NOP53: variants seen among roughly 807,000 people sequenced by gnomAD.
The protein encoded by NOP53 is ribosome biogenesis protein NOP53.
Under a neutral mutation model 61.0 loss-of-function variants are expected in NOP53, and 40 were observed. The observed-to-expected ratio is 0.66, with a 90% CI of 0.51 to 0.85. The LOEUF (loss-of-function observed/expected upper bound fraction) is 0.85. Among genes scored for constraint, NOP53 ranks in the 40% least tolerant of loss-of-function variants. The pLI is 0.00. For missense variants in NOP53, 689 were observed against 652.9 expected, an observed-to-expected ratio of 1.06 and a Z score of -0.60; for synonymous variants, 308 against 289.5, an observed-to-expected ratio of 1.06 and a Z score of -0.65.
At position 47,751,069 on chromosome 19, in the gene NOP53, C is replaced by T. The variant is rs1317212561; in HGVS notation, c.560C>T (p.Thr187Ile). ...AGGGCCAAGCCCGGGCCCCAGGACA[C>T]CGTAGAGCGGCCCTTCTACGACCTC... ...ATRAKPGPQDTVERPFYDLWA... is the reference protein window; with the variant it reads ...ATRAKPGPQDIVERPFYDLWA... The change falls in exon 4 of 13, where the codon ACC becomes ATC. Residue 187 changes from threonine to isoleucine, a missense_variant. Thr to Ile is a moderately conservative substitution (Grantham distance 89). Coordinates refer to ENST00000246802, the MANE Select transcript of NOP53 (RefSeq NM_015710.5). 7 of 1,608,828 alleles carry T rather than the reference C, an allele frequency of 4.4e-6. No individual in the cohort carries two copies. The highest frequency in any genetic ancestry group is 5.9e-6 in the Non-Finnish European group (7 of 1,178,334).
rs1446950414 is a variant in NOP53 at position 47,754,304 on chromosome 19, C to CA, written c.766-222dup. 2 of 557,232 alleles carry CA rather than the reference C, an allele frequency of 3.6e-6. No homozygotes were observed. The highest frequency in any genetic ancestry group is 6.5e-6 in the Non-Finnish European group (2 of 309,462). The allele number at this position is 557,232 out of a possible 1,614,324, so 34.5% of individuals were successfully genotyped here. Reference sequence around the variant, plus strand: ...AAAAAAAAATGTGAAGCGTGCAGGTCAGACTGCCTTCACAGACGTGCAGAG... The same window carrying CA: ...AAAAAAAAATGTGAAGCGTGCAGGTCAAGACTGCCTTCACAGACGTGCAGAG... On this transcript the variant is annotated intron_variant, in intron 6 of 12. Transcript: ENST00000246802. The surrounding 1 kb of genome is among the most constrained non-coding windows in gnomAD (Gnocchi z 4.2).
rs753296003 is a variant in NOP53, at chr19:47,755,836, C to T, written c.1296+14C>T. The T allele has an allele frequency of 2.5e-6, 4 of 1,601,050 alleles. No individual in the cohort carries two copies. In the African/African-American group the frequency reaches 5.4e-5, roughly 21 times the overall value. ...AGGACCCTGAAGGTGCTCACTGTGT[C>T]CTGCCGTGGAGCCCCGTGCCCAGTG... On this transcript the variant is annotated intron_variant, in intron 10 of 12. Coordinates refer to ENST00000246802, the MANE Select transcript of NOP53 (RefSeq NM_015710.5).
rs755667216 is a variant in NOP53 at position 47,751,015 on chromosome 19, A to G, written c.506A>G (p.Gln169Arg). 3.1e-6 allele frequency: 5 copies of G among 1,598,066 alleles called. No homozygotes were observed. The highest frequency in any genetic ancestry group is 4.3e-6 in the Non-Finnish European group (5 of 1,173,440). The change falls in exon 4 of 13, where the codon CAG (glutamine) becomes CGG (arginine). Residue 169 changes from glutamine to arginine, a missense_variant. By Grantham distance (43) the Gln-to-Arg change is conservative. Transcript: ENST00000246802. ...CTGCCCCGGGAGGTGCGCAGGGCCCAGGCCCGGCTCCTCAACCCTTCTGCA... is the reference window on the plus strand; with the variant it reads ...CTGCCCCGGGAGGTGCGCAGGGCCCGGGCCCGGCTCCTCAACCCTTCTGCA... ...GELPREVRRA[Q>R]ARLLNPSATR...
rs1274543614 is a variant in NOP53 at position 47,755,400 on chromosome 19, TC to T, written c.1108del (p.Arg370GlyfsTer11). 1 of 1,532,468 alleles carries T rather than the reference TC, an allele frequency of 6.5e-7. No homozygotes were observed. The highest frequency in any genetic ancestry group is 8.7e-7 in the Non-Finnish European group (1 of 1,144,196). The allele number at this position is 1,532,468 out of a possible 1,614,324, so 94.9% of individuals were successfully genotyped here. Reference protein sequence around the residue: ...RAARLRHQELFRLRGIKAQVA... With the variant: ...RAARLRHQELXRLRGIKAQVA... ...GCCCGGCTCCGGCACCAGGAGCTGT[TC>T]CGGCTGCGCGGGATCAAGGCCCAGG... is the stretch of plus-strand genomic sequence containing the variant. On this transcript the variant is annotated frameshift_variant, in exon 9 of 13. Coordinates refer to ENST00000246802, the MANE Select transcript of NOP53 (RefSeq NM_015710.5). LOFTEE classifies it high-confidence loss of function.
chr19:47,747,136 C>G (rs1191204728), intron 2 of NOP53, 105 bp downstream of exon 2: 2 of 883,384 alleles, frequency 2.3e-6, no homozygotes, highest in South Asian at 3.2e-5. Flanking sequence ...AGGCAAATAT[C>G]TGCGGAAACA....
Position 47,752,527 on chromosome 19 carries a change from C to T in NOP53, c.685C>T (p.His229Tyr), listed in dbSNP as rs1329842173. 9.3e-6 allele frequency: 15 copies of T among 1,605,032 alleles called. No individual in the cohort carries two copies. The highest frequency in any genetic ancestry group is 3.3e-5 in the Admixed American group (2 of 59,984). ...TTCTCCACAGCGGCCAGCACGCCTG[C>T]ACACCAAGCCGTCCCAGGCACCCGC... ...KKGVKRPARLHTKPSQAPAVE... is the reference protein window; with the variant it reads ...KKGVKRPARLYTKPSQAPAVE... Residue 229 changes from histidine to tyrosine, a missense_variant, in exon 6 of 13, where the codon CAC (histidine) becomes TAC (tyrosine). His to Tyr is a moderately conservative substitution (Grantham distance 83). Transcript: ENST00000246802.
rs1967175242 is a variant in NOP53, at chr19:47,755,212, G to C, written c.1054-136G>C. ...ACAGCTGCTGGGAAGGCACTGGAGGGGCCGCTGATGTGACGGGGTTAGGAA... is the reference window on the plus strand; with the variant it reads ...ACAGCTGCTGGGAAGGCACTGGAGGCGCCGCTGATGTGACGGGGTTAGGAA... On this transcript the variant is annotated intron_variant, in intron 8 of 12. Coordinates refer to ENST00000246802, the MANE Select transcript of NOP53 (RefSeq NM_015710.5). 5.1e-6 allele frequency: 3 copies of C among 589,320 alleles called. No individual in the cohort carries two copies. In the Admixed American group the frequency reaches 1.1e-4, roughly 22 times the overall value. The allele number at this position is 589,320 out of a possible 1,614,324, so 36.5% of individuals were successfully genotyped here.
rs760693430 is a variant in NOP53, at chr19:47,756,990, T to G, written c.1431-9T>G. On this transcript the variant is annotated splice_polypyrimidine_tract_variant and intron_variant, in intron 12 of 12. Coordinates refer to ENST00000246802, the MANE Select transcript of NOP53 (RefSeq NM_015710.5). ...TCACCCACCCTCAGCTCCTTTCCTCTGTCCCCAGGTTGTAGCTGCCATCAG... is the reference window on the plus strand; with the variant it reads ...TCACCCACCCTCAGCTCCTTTCCTCGGTCCCCAGGTTGTAGCTGCCATCAG... 1 of 1,614,146 alleles carries G rather than the reference T, an allele frequency of 6.2e-7. No individual in the cohort carries two copies. The highest frequency in any genetic ancestry group is 1.1e-5 in the South Asian group (1 of 91,084).
intron 5 of NOP53, among the ~76,000 whole-genome samples, chr19:47,752,120 A>G (rs749013839): frequency 6.9e-5 from 10 of 145,844 alleles, no homozygotes; most frequent in Non-Finnish European, 1.2e-4. Context: ...AAAAAAAAAT[A>G]AAATAAAATA....
Position 47,746,486 on chromosome 19 carries a change from C to T in NOP53, c.225-481C>T, listed in dbSNP as rs1266081786. 6 of 153,566 alleles carry T rather than the reference C, an allele frequency of 3.9e-5. No homozygotes were observed. The Admixed American group carries it at 3.9e-4, about 10-fold the overall frequency. 9.5% of individuals were successfully genotyped at this position (153,566 alleles called of 1,614,324 possible). A position where few individuals can be genotyped will look rare whatever the true frequency, so the allele number is the denominator to read the frequency against. ...TCAAGTGATTCTCCTGCTTCAGCCT[C>T]CCAAGTAGCTGGGATTACAGGCATG... On this transcript the variant is annotated intron_variant, in intron 1 of 12. Transcript: ENST00000246802.
chr19:47,748,390 G>A (rs1475208236), intron 2 of NOP53, among the ~76,000 whole-genome samples: 3 of 152,070 alleles, frequency 2.0e-5, no homozygotes, highest in Non-Finnish European at 4.4e-5. Context: ...ACTTCAATAT[G>A]TAGAAAAACA....
intron 4 of NOP53, 29 bp from the exon 5 acceptor site, chr19:47,751,491 C>T (rs1220959729): frequency 6.3e-7 from 1 of 1,590,770 alleles, no homozygotes; most frequent in Non-Finnish European, 8.6e-7. Context: ...CTGGGACTGT[C>T]CCAGCAGCTC....
chr19:47,745,944 C>T (rs1967057923), intron 1 of NOP53, 161 bp downstream of exon 1: 9 of 584,782 alleles, frequency 1.5e-5, no homozygotes, highest in Non-Finnish European at 2.4e-5. Flanking sequence ...GGGCAGGGGA[C>T]TCAGCATGGG....
At chr19:47,751,819 G>A (rs1967127953) in intron 5 of NOP53, among the ~76,000 whole-genome samples, 1 of 152,124 alleles carries the variant, frequency 6.6e-6, no homozygotes, top group Non-Finnish European at 1.5e-5. Flanking sequence ...ATGCAGATGA[G>A]GGCCGGGCAT....
At chr19:47,750,781 T>C (rs1302114395) in intron 3 of NOP53, 127 bp from the exon 4 acceptor site, 4 of 743,252 alleles carry the variant, frequency 5.4e-6, no homozygotes, top group African/African-American at 5.3e-5. Flanking sequence ...GGGGGCGGAG[T>C]GCCACCTTTT....
In NOP53 at chr19:47,754,818, C is replaced by T. The variant is rs201876600; in HGVS notation, c.980C>T (p.Thr327Met). 1.5e-3 allele frequency: 2,283 copies of T among 1,533,526 alleles called. 37 individuals carry two copies. In the African/African-American group the frequency reaches 0.026, roughly 18 times the overall value. The allele number at this position is 1,533,526 out of a possible 1,614,324, so 95.0% of individuals were successfully genotyped here. The change falls in exon 8 of 13, where the codon ACG becomes ATG. Residue 327 changes from threonine to methionine, a missense_variant. By Grantham distance (81) the Thr-to-Met change is moderately conservative (BLOSUM62 -1). Transcript: ENST00000246802. This position sits in a 1 kb window ranked among gnomAD's most constrained non-coding sequence, Gnocchi z 4.2. ...PEAGDAEVCP[T>M]PARLATTEKK... is the part of the protein sequence containing the mutation. ...GCTGGGGATGCCGAGGTCTGTCCCA[C>T]GCCCGCCCGCCTGGCCACCACAGAG...
At chr19:47,752,675 C>T (rs1284300599) in intron 6 of NOP53, 68 bp downstream of exon 6, 2 of 974,690 alleles carry the variant, frequency 2.1e-6, no homozygotes, top group African/African-American at 3.1e-5. Flanking sequence ...TCACTAGCTT[C>T]CTCCCTGTGC....
chr19:47,749,932 C>G (rs572091774), intron 2 of NOP53, among the ~76,000 whole-genome samples: 39 of 152,226 alleles, frequency 2.6e-4, no homozygotes, highest in South Asian at 1.9e-3. Context: ...GGGCGTGACT[C>G]TTCGTGTCCC....
intron 10 of NOP53, 123 bp downstream of exon 10, chr19:47,755,945 GC>G: frequency 2.7e-6 from 2 of 743,764 alleles, no homozygotes; most frequent in Non-Finnish European, 4.6e-6. Context: ...TGGGGCCAAT[GC>G]CCAGGGGCTG....
Sources: gnomAD v4.1 joint callset for allele counts (sites outside exome capture counted in the v4.1 genomes callset) on GRCh38, gnomAD v4.1.1 for gene constraint, Gnocchi (gnomAD v3.1) non-coding constraint, MANE v1.5 for transcripts, NCBI Gene and HGNC (gene_info 2026-07-23, HGNC 2026-07-21) for gene names.